ANKRD36: variants seen among roughly 807,000 people sequenced by gnomAD.
ANKRD36 encodes ankyrin repeat domain 36, also known as ankyrin repeat domain-containing protein 36A.
In ANKRD36, 179 loss-of-function variants were observed where a neutral mutation model predicts 278.1. The observed-to-expected ratio is 0.64, with a 90% CI of 0.57 to 0.73. ANKRD36 has a LOEUF of 0.73. Among genes scored for constraint, ANKRD36 ranks in the 30% least tolerant of loss-of-function variants. The pLI, the probability that ANKRD36 is intolerant of heterozygous loss-of-function variation, is 0.00. For synonymous variants in ANKRD36, 320 were observed against 641.1 expected (o/e 0.50, Z 7.57); for missense variants, 1,159 against 1,956.7 (o/e 0.59, Z 7.69).
rs2443937 is a variant in ANKRD36, at chr2:97,118,398, A to C, written c.367A>C (p.Asn123His). The change falls in exon 3 of 76, where the codon AAT becomes CAT. Residue 123 changes from asparagine to histidine, a missense_variant. Transcript: ENST00000420699. The stretch of plus-strand genomic sequence containing the variant: ...AACTCTTCTGCTGCAAAATGGCGCC[A>C]ATCCAAATATTACGGATTTCTTTGG... The part of the protein sequence containing the change: ...CATLLLQNGA[N>H]PNITDFFGRT... 7 of 1,597,764 alleles carry C rather than the reference A, an allele frequency of 4.4e-6. No individual in the cohort carries two copies. Among genetic ancestry groups the C allele is most frequent in the African/African-American group, 1.3e-5 (1 of 74,260 alleles).
In ANKRD36 at chr2:97,200,542, C is replaced by G. The variant is rs1453103994; in HGVS notation, c.2857+17C>G. The G allele has an allele frequency of 1.9e-6, 3 of 1,544,870 alleles. No individual in the cohort carries two copies. The highest frequency in any genetic ancestry group is 2.6e-6 in the Non-Finnish European group (3 of 1,148,990). On this transcript the variant is annotated intron_variant, in intron 46 of 75. Transcript: ENST00000420699. ...CTAGGAAAGGTAATTTTGCGAAACA[C>G]ATTTAATGTCATGTTCAGTCCAGAT...
intron 46 of ANKRD36, 147 bp downstream of exon 46, chr2:97,200,672 G>C (rs1164418819): frequency 7.6e-7 from 1 of 1,320,396 alleles, no homozygotes; most frequent in East Asian, 2.5e-5. Context: ...CTTGGGTTAT[G>C]CTGATGCTGC....
intron 66 of ANKRD36, among the ~76,000 whole-genome samples, chr2:97,223,195 G>C (rs1170338640): frequency 2.0e-5 from 3 of 148,676 alleles, no homozygotes; most frequent in Non-Finnish European, 4.4e-5. Context: ...CCACCTCCCG[G>C]GTTAAAGCGA....
At chr2:97,127,329 G>GA (rs2038886061) in intron 6 of ANKRD36, among the ~76,000 whole-genome samples, 195 bp downstream of exon 6, 1 of 151,672 alleles carries the variant, frequency 6.6e-6, no homozygotes, top group African/African-American at 2.4e-5. Context: ...AGTATTGTTT[G>GA]AAAAAAATTA....
At chr2:97,195,564 A>C (rs1055358262) in intron 40 of ANKRD36, among the ~76,000 whole-genome samples, 1 of 152,010 alleles carries the variant, frequency 6.6e-6, no homozygotes, top group African/African-American at 2.4e-5. Flanking sequence ...AAAATGACTC[A>C]TTACTCCTCT....
At chr2:97,260,452 TG>T (rs2076625619) in intron 75 of ANKRD36, among the ~76,000 whole-genome samples, 1 of 137,432 alleles carries the variant, frequency 7.3e-6, no homozygotes, top group Non-Finnish European at 1.5e-5. Flanking sequence ...ACACGTTTTC[TG>T]GACAATAGGT....
chr2:97,181,681 T>G, intron 25 of ANKRD36, 40 bp from the exon 26 acceptor site: 2 of 1,606,050 alleles, frequency 1.2e-6, no homozygotes, highest in South Asian at 2.2e-5. Flanking sequence ...CTATGAAACC[T>G]ACTTTACATA....
chr2:97,170,411 A>G (rs1350507840), intron 22 of ANKRD36, among the ~76,000 whole-genome samples: 2 of 151,988 alleles, frequency 1.3e-5, no homozygotes, highest in African/African-American at 2.4e-5. Context: ...CATATCTACA[A>G]CTATCTGATC....
At chr2:97,226,659 G>A (rs939250255) in intron 67 of ANKRD36, among the ~76,000 whole-genome samples, 1 of 151,962 alleles carries the variant, frequency 6.6e-6, no homozygotes, top group Non-Finnish European at 1.5e-5. Flanking sequence ...TTTGGCTTTT[G>A]TTGCCATTGC....
Position 97,118,145 on chromosome 2 carries a change from C to T in ANKRD36, c.279C>T (p.Leu93=). The change falls in exon 2 of 76, where the codon CTC becomes CTT. Residue 93 remains leucine, a synonymous_variant. Transcript: ENST00000420699. ...TGTCCAGAAGATGTGAGCTTAACCT[C>T]TGCGACCGTGAAGACAGGACACCTC... ...LLVSRRCELN[L]CDREDRTPLI... is the part of the protein sequence containing the mutation. 2 of 1,569,298 alleles carry T rather than the reference C, an allele frequency of 1.3e-6. No homozygotes were observed. Among genetic ancestry groups the T allele is most frequent in the Non-Finnish European group, 1.7e-6 (2 of 1,155,922 alleles).
intron 62 of ANKRD36, 73 bp downstream of exon 62, chr2:97,215,570 C>A: frequency 6.3e-7 from 1 of 1,589,486 alleles, no homozygotes; most frequent in Non-Finnish European, 8.6e-7. Context: ...AATAAATCAG[C>A]GGGGGGTTCA....
chr2:97,209,599 G>A lies in ANKRD36; in HGVS notation c.3266-82G>A, dbSNP rs1225303652. Reference sequence around the variant, plus strand: ...CACTAATACAGGCAGGAGGACAGAGGTTGATGCTAACACTGTGTGAATGTA... The same window carrying A: ...CACTAATACAGGCAGGAGGACAGAGATTGATGCTAACACTGTGTGAATGTA... On this transcript the variant is annotated intron_variant, in intron 54 of 75. Coordinates refer to ENST00000420699, the MANE Select transcript of ANKRD36 (RefSeq NM_001354587.1). The A allele has an allele frequency of 1.8e-5, 28 of 1,571,354 alleles. No homozygotes were observed. The African/African-American group carries it at 3.8e-4, about 22-fold the overall frequency.
At chr2:97,185,611 C>T (rs750827859) in intron 30 of ANKRD36, 101 bp downstream of exon 30, 4 of 1,396,812 alleles carry the variant, frequency 2.9e-6, no homozygotes, top group Non-Finnish European at 3.0e-6. Context: ...GCTGCACATT[C>T]TGATTCAGCA....
At chr2:97,176,792 C>T (rs1315917228) in intron 22 of ANKRD36, among the ~76,000 whole-genome samples, 3 of 151,656 alleles carry the variant, frequency 2.0e-5, no homozygotes, top group African/African-American at 7.3e-5. Flanking sequence ...TTTAGCGCTT[C>T]CTTCAGGAGC....
intron 66 of ANKRD36, among the ~76,000 whole-genome samples, chr2:97,220,729 C>CTTTTTTT: frequency 2.1e-4 from 14 of 66,454 alleles, no homozygotes; most frequent in African/African-American, 2.5e-4. Flanking sequence ...GATTTTCTTG[C>CTTTTTTT]TTTTTTTTTT....
intron 9 of ANKRD36, 36 bp from the exon 10 acceptor site, chr2:97,144,604 G>T (rs71429340): frequency 9.6e-6 from 15 of 1,559,202 alleles, no homozygotes; most frequent in Middle Eastern, 1.8e-4. Flanking sequence ...GGAATATACT[G>T]TAGGTATTGA....
At chr2:97,154,777 C>T in intron 15 of ANKRD36, 36 bp downstream of exon 15, 1 of 1,409,960 alleles carries the variant, frequency 7.1e-7, no homozygotes, top group Admixed American at 2.2e-5. Context: ...TTTTCTCATT[C>T]TGAATCTCAT....
At chr2:97,193,491 A>C (rs13024019) in intron 38 of ANKRD36, among the ~76,000 whole-genome samples, 1 of 105,188 alleles carries the variant, frequency 9.5e-6, no homozygotes, top group South Asian at 2.6e-4. Context: ...TGTAGCAACT[A>C]TTTTCCTAAG....
At chr2:97,130,963 C>T (rs2039988109) in intron 6 of ANKRD36, among the ~76,000 whole-genome samples, 1 of 151,860 alleles carries the variant, frequency 6.6e-6, no homozygotes, top group Non-Finnish European at 1.5e-5. Context: ...TGATGCTGCT[C>T]CTTTAAGATT....
Sources: gnomAD v4.1 joint callset for allele counts (sites outside exome capture counted in the v4.1 genomes callset) on GRCh38, gnomAD v4.1.1 for gene constraint, MANE v1.5 for transcripts, NCBI Gene and HGNC (gene_info 2026-07-23, HGNC 2026-07-21) for gene names.